WASF3: variants seen among roughly 807,000 people sequenced by gnomAD.
The protein encoded by WASF3 is WASP family member 3.
A neutral mutation model predicts 46.6 loss-of-function variants in WASF3; 11 were observed. The ratio of observed to expected loss-of-function variants is 0.24; its 90% CI spans 0.15 to 0.39. The LOEUF is 0.39. Among genes scored for constraint, WASF3 ranks in the 10% least tolerant of loss-of-function variants. The pLI is 1.00. For missense variants in WASF3, 576 were observed against 669.8 expected (o/e 0.86, Z 1.55); for synonymous variants, 242 against 259.7 (o/e 0.93, Z 0.65).
intron 1 of WASF3, among the ~76,000 whole-genome samples, chr13:26,565,513 C>T (rs1879437094): frequency 6.6e-6 from 1 of 152,102 alleles, no homozygotes. Context: ...AAAACCAGCC[C>T]TGTAGGATTT....
intron 1 of WASF3, among the ~76,000 whole-genome samples, chr13:26,560,334 TAAAC>T (rs907912242): frequency 2.6e-5 from 4 of 152,304 alleles, no homozygotes; most frequent in East Asian, 3.9e-4. Flanking sequence ...CATTATAAAA[TAAAC>T]AATATCAACA....
intron 2 of WASF3, among the ~76,000 whole-genome samples, chr13:26,615,433 C>T (rs1322223003): frequency 3.3e-5 from 5 of 152,066 alleles, no homozygotes; most frequent in South Asian, 2.1e-4. Flanking sequence ...CTCAGCCTCC[C>T]GAGTAGCTGG....
At chr13:26,544,784 C>A in the WASF3 span, among the ~76,000 whole-genome samples, 18 of 152,192 alleles carry the variant, frequency 1.2e-4, no homozygotes, top group African/African-American at 4.1e-4. Context: ...GACAAGGTCT[C>A]TTAAAGCTGT....
intron 7 of WASF3, among the ~76,000 whole-genome samples, chr13:26,677,260 A>G (rs1411044248): frequency 6.6e-6 from 1 of 152,248 alleles, no homozygotes; most frequent in Non-Finnish European, 1.5e-5. Context: ...TTACTTAAAA[A>G]TTTATTAGCA....
chr13:26,555,979 A>G (rs756504429), upstream of WASF3, among the ~76,000 whole-genome samples: 1 of 152,218 alleles, frequency 6.6e-6, no homozygotes, highest in African/African-American at 2.4e-5. Flanking sequence ...GAAATAATTT[A>G]TTTGTACCAT....
In WASF3 at chr13:26,681,140, C is replaced by T. The variant is rs769526879; in HGVS notation, c.803C>T (p.Ala268Val). The T allele has an allele frequency of 1.2e-6, 2 of 1,614,210 alleles. No homozygotes were observed. The highest frequency in any genetic ancestry group is 4.5e-5 in the East Asian group (2 of 44,880). Residue 268 changes from alanine (A) to valine (V), a missense_variant, in exon 8 of 10, where the codon GCA (alanine) becomes GTA (valine). This residue lies in a region of WASF3 where 295 missense variants were observed against 291.5 expected (regional missense o/e 1.01). Transcript: ENST00000335327. ...CCCCAGCCTGTGACCCCTTCCTATG[C>T]AGCTGGTGACGTGCCACCACACGGG... is the stretch of plus-strand genomic sequence containing the variant. ...LHPQPVTPSYAAGDVPPHGPA... is the reference protein window; with the variant it reads ...LHPQPVTPSYVAGDVPPHGPA...
intron 3 of WASF3, 44 bp from the exon 4 acceptor site, chr13:26,664,984 C>G: frequency 6.2e-7 from 1 of 1,605,892 alleles, no homozygotes; most frequent in Non-Finnish European, 8.5e-7. Flanking sequence ...GCCGCTTCAT[C>G]AGCTCCCTAA....
At position 26,676,667 on chromosome 13, in the gene WASF3, T is replaced by C. The variant is rs1292290390; in HGVS notation, c.659T>C (p.Leu220Ser). The change falls in exon 7 of 10, where the codon TTG becomes TCG. Residue 220 changes from leucine to serine, a missense_variant. Physicochemically the swap from Leu to Ser is moderately radical, Grantham distance 145. This residue lies in a region of WASF3 where 213 missense variants were observed against 278.0 expected (regional missense o/e 0.77). Coordinates refer to ENST00000335327, the MANE Select transcript of WASF3 (RefSeq NM_006646.6). ...YDKELRPDNR[L>S]SQSVYHGASS... Reference sequence around the variant, plus strand: ...AAAGAGCTTAGACCCGACAACAGGTTGTCTCAGAGTGTGTACCATGGAGCG... The same window carrying C: ...AAAGAGCTTAGACCCGACAACAGGTCGTCTCAGAGTGTGTACCATGGAGCG... The C allele has an allele frequency of 1.9e-6, 3 of 1,614,178 alleles. No homozygotes were observed. The Admixed American group carries it at 5.0e-5, about 27-fold the overall frequency.
chr13:26,615,209 T>C (rs1196498027), intron 2 of WASF3, among the ~76,000 whole-genome samples: 1 of 152,182 alleles, frequency 6.6e-6, no homozygotes, highest in Non-Finnish European at 1.5e-5. Context: ...TACTTGACCT[T>C]CATGTTAGAA....
chr13:26,567,879 C>T (rs887292581), intron 1 of WASF3, among the ~76,000 whole-genome samples: 2 of 151,812 alleles, frequency 1.3e-5, no homozygotes, highest in African/African-American at 4.8e-5. Flanking sequence ...TCAGAGACTG[C>T]CATTTTTGAT....
At chr13:26,604,282 A>G (rs1880728201) in intron 1 of WASF3, among the ~76,000 whole-genome samples, 1 of 152,154 alleles carries the variant, frequency 6.6e-6, no homozygotes, top group African/African-American at 2.4e-5. Flanking sequence ...GGCACTGTGG[A>G]TTCAGATGTA....
intron 1 of WASF3, among the ~76,000 whole-genome samples, chr13:26,593,761 A>G (rs773063339): frequency 5.3e-5 from 8 of 152,266 alleles, no homozygotes; most frequent in Non-Finnish European, 1.0e-4. Context: ...AATAAATCCT[A>G]TAGACACTAC....
chr13:26,605,521 A>G (rs188827684), intron 1 of WASF3, among the ~76,000 whole-genome samples: 38 of 152,046 alleles, frequency 2.5e-4, no homozygotes, highest in Non-Finnish European at 4.4e-4. Flanking sequence ...GCATTTGGGG[A>G]AAAAAAATAA....
intron 2 of WASF3, among the ~76,000 whole-genome samples, chr13:26,616,112 A>G (rs1347111228): frequency 6.6e-6 from 1 of 152,178 alleles, no homozygotes; most frequent in Non-Finnish European, 1.5e-5. Context: ...ACATGCTTTT[A>G]TTTATTTTGG....
chr13:26,619,325 A>G (rs1320282626), intron 2 of WASF3: 4 of 152,188 alleles, frequency 2.6e-5, no homozygotes, highest in Non-Finnish European at 5.9e-5. Flanking sequence ...CTTGTCTGAA[A>G]TGTCACCTTA....
At chr13:26,583,193 T>A (rs530520525) in intron 1 of WASF3, among the ~76,000 whole-genome samples, 47 of 152,348 alleles carry the variant, frequency 3.1e-4, no homozygotes, top group African/African-American at 1.1e-3. Flanking sequence ...TTATGTGATC[T>A]CATTTGATGT....
chr13:26,579,358 T>A (rs879814139), intron 1 of WASF3, among the ~76,000 whole-genome samples: 1 of 152,228 alleles, frequency 6.6e-6, no homozygotes, highest in South Asian at 2.1e-4. Context: ...GTAATTATTA[T>A]TTTTTGCTTA....
At chr13:26,564,881 T>C (rs1239324255) in intron 1 of WASF3, among the ~76,000 whole-genome samples, 1 of 151,148 alleles carries the variant, frequency 6.6e-6, no homozygotes, top group Non-Finnish European at 1.5e-5. Flanking sequence ...TCTCAAAATA[T>C]GTACATGACA....
upstream of WASF3, among the ~76,000 whole-genome samples, chr13:26,557,411 C>T (rs1259922079): frequency 6.6e-6 from 1 of 152,142 alleles, no homozygotes; most frequent in Non-Finnish European, 1.5e-5. Context: ...TCTCTTGGCC[C>T]GAAGTATCCC....
Sources: gnomAD v4.1 joint callset for allele counts (sites outside exome capture counted in the v4.1 genomes callset) on GRCh38, gnomAD v4.1.1 for gene constraint, gnomAD v4.1.1 regional missense constraint, MANE v1.5 for transcripts, NCBI Gene and HGNC (gene_info 2026-07-23, HGNC 2026-07-21) for gene names.